GATAD2B: variants seen among roughly 807,000 people sequenced by gnomAD.
The protein encoded by GATAD2B is transcriptional repressor p66-beta.
In GATAD2B, 8 loss-of-function variants were observed where a neutral mutation model predicts 64.3. The observed-to-expected ratio is 0.12, with a 90% confidence interval of 0.07 to 0.22. The LOEUF is 0.22. GATAD2B is among the 10% of genes least tolerant of loss of function. The pLI, the probability that GATAD2B is intolerant of heterozygous loss-of-function variation, is 1.00. For synonymous variants in GATAD2B, 281 were observed against 271.3 expected (o/e 1.04, Z -0.35); for missense variants, 453 against 752.0 (o/e 0.60, Z 4.65).
chr1:153,908,123 T>TA (rs1678003870), intron 1 of GATAD2B, among the ~76,000 whole-genome samples: 2 of 152,070 alleles, frequency 1.3e-5, no homozygotes. Context: ...AATTTTATGT[T>TA]ATGTACATTT....
At chr1:153,823,700 A>G (rs1180486879) in intron 2 of GATAD2B, among the ~76,000 whole-genome samples, 1 of 149,862 alleles carries the variant, frequency 6.7e-6, no homozygotes, top group African/African-American at 2.5e-5. Context: ...CTTGCTGGGA[A>G]TCTATCGGTT....
intron 1 of GATAD2B, chr1:153,852,806 CT>C: frequency 2.2e-6 from 2 of 905,058 alleles, no homozygotes; most frequent in Non-Finnish European, 3.7e-6. Context: ...ATATCATATC[CT>C]TCAACTTTTT....
chr1:153,828,366 CAAGT>C lies in GATAD2B; in HGVS notation c.-1-22_-1-19del, dbSNP rs1674956589. 7.6e-6 allele frequency: 12 copies of C among 1,580,506 alleles called. No homozygotes were observed. The highest frequency in any genetic ancestry group is 2.7e-5 in the African/African-American group (2 of 74,142). On this transcript the variant is annotated intron_variant, in intron 1 of 10. Transcript: ENST00000368655. Reference sequence around the variant, plus strand: ...TATCCATCCTATGGAAAGAAAAATACAAGTAAGATCAGAATAAAGTCCCTTAAAT... The same window carrying C: ...TATCCATCCTATGGAAAGAAAAATACAAGATCAGAATAAAGTCCCTTAAAT...
chr1:153,893,466 G>A (rs1264203541), intron 1 of GATAD2B, among the ~76,000 whole-genome samples: 2 of 151,880 alleles, frequency 1.3e-5, no homozygotes, highest in African/African-American at 4.8e-5. Context: ...AAAGTTAGCT[G>A]GGCAGGGTGG....
intron 1 of GATAD2B, among the ~76,000 whole-genome samples, chr1:153,832,286 C>T (rs1324066385): frequency 6.6e-6 from 1 of 151,808 alleles, no homozygotes; most frequent in Non-Finnish European, 1.5e-5. Flanking sequence ...AGTGCTATTC[C>T]AATGCACACA....
chr1:153,873,277 C>G (rs1676725028), intron 1 of GATAD2B, among the ~76,000 whole-genome samples: 2 of 152,108 alleles, frequency 1.3e-5, no homozygotes, highest in Non-Finnish European at 1.5e-5. Flanking sequence ...TATTTATTTC[C>G]AAGTTTAATG....
At chr1:153,815,137 G>A (rs1427692607) in intron 7 of GATAD2B, among the ~76,000 whole-genome samples, 1 of 139,252 alleles carries the variant, frequency 7.2e-6, no homozygotes, top group Admixed American at 7.4e-5. Flanking sequence ...AACTGGCATG[G>A]TGGTGCATAC....
intron 1 of GATAD2B, among the ~76,000 whole-genome samples, chr1:153,860,545 G>A (rs1225252518): frequency 1.3e-5 from 2 of 152,030 alleles, no homozygotes; most frequent in Non-Finnish European, 1.5e-5. Flanking sequence ...ATGTTGCCCA[G>A]GCTGGTCTCA....
rs570642325 is a variant in GATAD2B, at chr1:153,912,500, T to C, written c.-2+10233A>G. 2.6e-5 allele frequency among the ~76,000 whole-genome samples: 4 copies of C among 152,364 alleles called. No homozygotes were observed. In the South Asian group the frequency reaches 8.3e-4, roughly 32 times the overall value. ...ACTGTAGTGCACAGAAAGAATGTCATGCTATTCACACCAAATTTCACAGAA... is the reference window on the plus strand; with the variant it reads ...ACTGTAGTGCACAGAAAGAATGTCACGCTATTCACACCAAATTTCACAGAA... On this transcript the variant is annotated intron_variant, in intron 1 of 10. Transcript: ENST00000368655.
At chr1:153,892,543 G>C (rs1026318762) in intron 1 of GATAD2B, among the ~76,000 whole-genome samples, 1 of 152,042 alleles carries the variant, frequency 6.6e-6, no homozygotes, top group Non-Finnish European at 1.5e-5. Context: ...CTAGTAAATG[G>C]TCAAGGAGTT....
intron 1 of GATAD2B, chr1:153,914,770 C>CA (rs1193292696): frequency 3.3e-5 from 5 of 152,292 alleles, no homozygotes; most frequent in African/African-American, 9.7e-5. Context: ...CCCATCTCTA[C>CA]AAAAAATTTA....
chr1:153,884,847 C>T (rs1416216009), intron 1 of GATAD2B, among the ~76,000 whole-genome samples: 1 of 151,906 alleles, frequency 6.6e-6, no homozygotes, highest in East Asian at 1.9e-4. Context: ...ACCTCTGCCT[C>T]CCGGGCTGAA....
rs990210465 is a variant in GATAD2B, at chr1:153,804,895, A to C, written c.*5282T>G. The C allele has an allele frequency of 3.3e-5, 5 of 152,666 alleles. No homozygotes were observed. In the East Asian group the frequency reaches 9.6e-4, roughly 29 times the overall value. 9.5% of individuals were successfully genotyped at this position (152,666 alleles called of 1,614,324 possible). ...ATGGGAGTGTATTTGCCTTTTTGAA[A>C]ACCAGTTTCTATTGGTCTTAGTTTT... On this transcript the variant is annotated 3_prime_UTR_variant, in exon 11 of 11. Transcript: ENST00000368655.
intron 1 of GATAD2B, among the ~76,000 whole-genome samples, chr1:153,881,177 C>T (rs1246161650): frequency 6.6e-6 from 1 of 152,112 alleles, no homozygotes; most frequent in Non-Finnish European, 1.5e-5. Context: ...ATTCTCATTG[C>T]TTTGCAGCCC....
At chr1:153,853,306 G>A in intron 1 of GATAD2B, 1 of 825,888 alleles carries the variant, frequency 1.2e-6, no homozygotes, top group South Asian at 1.4e-5. Flanking sequence ...CTGGTCCTTT[G>A]TACTGACATG....
Position 153,813,440 on chromosome 1 carries a change from G to C in GATAD2B, c.1229C>G (p.Ala410Gly), listed in dbSNP as rs114542403. 471 of 1,613,526 alleles carry C rather than the reference G, an allele frequency of 2.9e-4. 2 individuals carry two copies. In the African/African-American group the frequency reaches 5.8e-3, roughly 20 times the overall value. The change falls in exon 8 of 11, where the codon GCC becomes GGC. Residue 410 changes from alanine to glycine, a missense_variant. Ala to Gly is a moderately conservative substitution (Grantham distance 60). This residue lies in a region of GATAD2B where 160 missense variants were observed against 334.7 expected (regional missense o/e 0.48). Coordinates refer to ENST00000368655, the MANE Select transcript of GATAD2B (RefSeq NM_020699.4). ...SVIDSQGKSC[A>G]SLLRVEPFVC... Reference sequence around the variant, plus strand: ...AAAGGGTTCAACCCGCAGAAGTGAGGCACAGCTTTTGCCTAGATACCAACA... The same window carrying C: ...AAAGGGTTCAACCCGCAGAAGTGAGCCACAGCTTTTGCCTAGATACCAACA...
intron 1 of GATAD2B, among the ~76,000 whole-genome samples, chr1:153,884,510 G>C (rs1249750420): frequency 6.6e-6 from 1 of 152,150 alleles, no homozygotes; most frequent in Non-Finnish European, 1.5e-5. Context: ...GCTGAGGCAG[G>C]AGAATCGTCT....
chr1:153,864,897 T>C (rs1050652415), intron 1 of GATAD2B, among the ~76,000 whole-genome samples: 2 of 150,388 alleles, frequency 1.3e-5, no homozygotes, highest in African/African-American at 2.5e-5. Flanking sequence ...AGTGAAACCC[T>C]GTCTCCACTA....
chr1:153,848,988 C>T (rs547134510), intron 1 of GATAD2B, among the ~76,000 whole-genome samples: 1 of 151,990 alleles, frequency 6.6e-6, no homozygotes, highest in East Asian at 1.9e-4. Flanking sequence ...CCCCCTCCCC[C>T]AGACTGGGTA....
Sources: allele counts gnomAD v4.1 joint callset (sites outside exome capture counted in the v4.1 genomes callset), GRCh38; gene constraint gnomAD v4.1.1; regional missense constraint gnomAD v4.1.1; transcripts MANE v1.5; gene names NCBI Gene and HGNC (gene_info 2026-07-23, HGNC 2026-07-21).